Variants in SOX6 observed in about 807,000 individuals in gnomAD.
The protein encoded by SOX6 is transcription factor SOX-6.
Under a neutral mutation model 97.8 loss-of-function variants are expected in SOX6, and 11 were observed. The observed-to-expected ratio is 0.11, with a 90% confidence interval of 0.07 to 0.19. SOX6 has a LOEUF of 0.19. SOX6 is among the 10% of genes least tolerant of loss of function. The pLI is 1.00. For synonymous variants in SOX6, 360 were observed against 371.4 expected (o/e 0.97, Z 0.35); for missense variants, 810 against 1,039.5 (o/e 0.78, Z 3.04).
At chr11:16,508,973 A>C (rs529775663) in intron 4 of SOX6, among the ~76,000 whole-genome samples, 1 of 152,112 alleles carries the variant, frequency 6.6e-6, no homozygotes, top group African/African-American at 2.4e-5. Context: ...GTACCAATAA[A>C]GACATAACAA....
At chr11:16,731,317 C>G (rs1294410429) in intron 2 of SOX6, among the ~76,000 whole-genome samples, 2 of 152,134 alleles carry the variant, frequency 1.3e-5, no homozygotes, top group African/African-American at 4.8e-5. Context: ...AGGCCAATAT[C>G]CCTGATGAAC....
intron 1 of SOX6, among the ~76,000 whole-genome samples, chr11:16,371,767 A>G (rs748444741): frequency 1.3e-5 from 2 of 152,156 alleles, no homozygotes; most frequent in Admixed American, 6.6e-5. Context: ...TACTACACCA[A>G]AATTACTACG....
At chr11:16,499,221 C>G (rs747995720) in intron 4 of SOX6, among the ~76,000 whole-genome samples, 5 of 152,006 alleles carry the variant, frequency 3.3e-5, no homozygotes, top group African/African-American at 1.2e-4. Flanking sequence ...GGGTACATAA[C>G]GAAACGAAGG....
At chr11:16,693,473 C>T (rs534812906) in intron 3 of SOX6, among the ~76,000 whole-genome samples, 6 of 152,046 alleles carry the variant, frequency 3.9e-5, no homozygotes, top group Admixed American at 3.9e-4. Context: ...AATGAGGATC[C>T]TAATTCTCTA....
chr11:16,046,553 G>A lies in SOX6; in HGVS notation c.1584C>T (p.Ser528=), dbSNP rs1855838232. The change falls in exon 12 of 16, where the codon TCC becomes TCT. Residue 528 remains serine, a synonymous_variant. Coordinates refer to ENST00000683767, the MANE Select transcript of SOX6 (RefSeq NM_001367873.1). ...QPHGVDGKLS[S]INNMGLNSCR... is the part of the protein sequence containing the mutation. ...AGCTGTTCAGCCCCATATTATTTAT[G>A]GAGGACAGTTTCCCGTCAACACCAT... 1 of 1,613,690 alleles carries A rather than the reference G, an allele frequency of 6.2e-7. No homozygotes were observed. Among genetic ancestry groups the A allele is most frequent in the Non-Finnish European group, 8.5e-7 (1 of 1,179,762 alleles).
rs67556517 is a variant in SOX6 at position 16,010,125 on chromosome 11, TACACACACACACAC to T, written c.1732+4803_1732+4816del. On this transcript the variant is annotated intron_variant, in intron 13 of 15. Transcript: ENST00000683767. ...TATAAAACTTAGAAGCAGTTGGAGC[TACACACACACACAC>T]ACACACACACACACACACACACACA... Among the ~76,000 whole-genome samples, 72 of 135,558 alleles carry T rather than the reference TACACACACACACAC, an allele frequency of 5.3e-4. No homozygotes were observed. The highest frequency in any genetic ancestry group is 1.1e-3 in the Admixed American group (15 of 13,518). 88.9% of individuals were successfully genotyped at this position (135,558 alleles called of 152,430 possible).
chr11:16,357,296 A>G (rs1434601525), upstream of SOX6, among the ~76,000 whole-genome samples: 3 of 152,162 alleles, frequency 2.0e-5, no homozygotes, highest in Admixed American at 6.6e-5. Context: ...CCCAGACTGG[A>G]AAATGTACAG....
At chr11:16,305,135 A>G (rs1230532084) in intron 3 of SOX6, among the ~76,000 whole-genome samples, 3 of 152,198 alleles carry the variant, frequency 2.0e-5, no homozygotes, top group African/African-American at 7.2e-5. Flanking sequence ...CAGACAAGCT[A>G]AAGACCGGGA....
intron 3 of SOX6, among the ~76,000 whole-genome samples, chr11:16,273,420 C>G (rs1519122): frequency 0.78 from 118,779 of 151,834 alleles, 46,596 homozygotes; most frequent in Non-Finnish European, 0.8. Context: ...CTAGTCTATA[C>G]AATAAATCTG....
chr11:16,489,384 T>C (rs1164597206), intron 4 of SOX6, among the ~76,000 whole-genome samples: 2 of 152,044 alleles, frequency 1.3e-5, no homozygotes. Context: ...TAAGGGAAAG[T>C]TTAAAATACA....
intron 3 of SOX6, among the ~76,000 whole-genome samples, chr11:16,272,842 T>C (rs1030998044): frequency 3.3e-5 from 5 of 151,938 alleles, no homozygotes; most frequent in Admixed American, 6.6e-5. Flanking sequence ...TTATAGCAGA[T>C]GTGCTATAAC....
chr11:16,313,462 G>A (rs1209824361), intron 3 of SOX6: 3 of 152,130 alleles, frequency 2.0e-5, no homozygotes, highest in Non-Finnish European at 4.4e-5. Flanking sequence ...GGAGAGGTGG[G>A]TAATGCATTT....
At chr11:16,681,519 A>G (rs1023258558) in intron 3 of SOX6, among the ~76,000 whole-genome samples, 4 of 152,190 alleles carry the variant, frequency 2.6e-5, no homozygotes, top group Non-Finnish European at 5.9e-5. Context: ...AAAGATCTAA[A>G]ATTGATACCC....
chr11:16,474,788 G>A (rs1860204539), intron 1 of SOX6, among the ~76,000 whole-genome samples: 1 of 152,176 alleles, frequency 6.6e-6, no homozygotes, highest in Non-Finnish European at 1.5e-5. Flanking sequence ...TCTAACAAAA[G>A]AGTCCACTTG....
intron 1 of SOX6, among the ~76,000 whole-genome samples, chr11:16,390,861 TA>T (rs1364428914): frequency 1.3e-5 from 2 of 152,236 alleles, no homozygotes; most frequent in Admixed American, 6.5e-5. Flanking sequence ...CAAAGGATTA[TA>T]AATCATTCTA....
chr11:16,655,292 C>G (rs1428488757), intron 3 of SOX6, among the ~76,000 whole-genome samples: 1 of 152,062 alleles, frequency 6.6e-6, no homozygotes, highest in Non-Finnish European at 1.5e-5. Flanking sequence ...ATACTTGATC[C>G]CAGCTAAATC....
chr11:16,297,485 G>GA (rs994748987), intron 3 of SOX6, among the ~76,000 whole-genome samples: 2 of 152,042 alleles, frequency 1.3e-5, no homozygotes, highest in African/African-American at 2.4e-5. Context: ...TTGTAAGGCA[G>GA]AAAAAAAATC....
Position 15,970,369 on chromosome 11 carries a change from T to C in SOX6, c.*2440A>G, listed in dbSNP as rs747799630. Reference sequence around the variant, plus strand: ...CAAAATTAACCTACTATGCTAAATGTTTGCTTTTGTGCAAAATTAATTACA... The same window carrying C: ...CAAAATTAACCTACTATGCTAAATGCTTGCTTTTGTGCAAAATTAATTACA... On this transcript the variant is annotated 3_prime_UTR_variant, in exon 16 of 16. Coordinates refer to ENST00000683767, the MANE Select transcript of SOX6 (RefSeq NM_001367873.1). 2.3e-5 allele frequency: 3 copies of C among 132,154 alleles called. No individual in the cohort carries two copies. Among genetic ancestry groups the C allele is most frequent in the Non-Finnish European group, 5.4e-5 (3 of 55,384 alleles). 8.2% of individuals were successfully genotyped at this position (132,154 alleles called of 1,614,324 possible).
intron 1 of SOX6, among the ~76,000 whole-genome samples, chr11:16,420,767 C>A (rs913238370): frequency 9.9e-5 from 15 of 152,162 alleles, no homozygotes; most frequent in African/African-American, 3.6e-4. Flanking sequence ...AGATGTAACT[C>A]ATCCTTTGGG....
Sources: allele counts gnomAD v4.1 joint callset (sites outside exome capture counted in the v4.1 genomes callset), GRCh38; gene constraint gnomAD v4.1.1; transcripts MANE v1.5; gene names NCBI Gene and HGNC (gene_info 2026-07-23, HGNC 2026-07-21).